The following ITGA9 variants were observed in gnomAD, a reference collection of about 807,000 sequenced individuals.
ITGA9 encodes the protein integrin alpha-9.
Under a neutral mutation model 127.8 loss-of-function variants are expected in ITGA9, and 56 were observed. That is an observed-to-expected ratio of 0.44 (90% CI 0.35 to 0.55). ITGA9 has a LOEUF of 0.55. Among genes scored for constraint, ITGA9 ranks in the 20% least tolerant of loss-of-function variants. ITGA9 has a pLI of 0.00. For missense variants in ITGA9, 1,196 were observed against 1,347.1 expected, an observed-to-expected ratio of 0.89 and a Z score of 1.76; for synonymous variants, 508 against 514.5, an observed-to-expected ratio of 0.99 and a Z score of 0.17.
intron 15 of ITGA9, among the ~76,000 whole-genome samples, chr3:37,587,685 T>TAAC (rs1699771885): frequency 6.6e-6 from 1 of 152,130 alleles, no homozygotes; most frequent in Non-Finnish European, 1.5e-5. Flanking sequence ...ATAATAATAA[T>TAAC]AACCATCATT....
At chr3:37,708,022 A>G (rs1701026703) in intron 18 of ITGA9, among the ~76,000 whole-genome samples, 1 of 152,176 alleles carries the variant, frequency 6.6e-6, no homozygotes, top group Non-Finnish European at 1.5e-5. Context: ...TCATTAGCAT[A>G]ACAAACCACC....
chr3:37,692,398 T>TGAGA (rs75412955), intron 18 of ITGA9, among the ~76,000 whole-genome samples: 11 of 144,572 alleles, frequency 7.6e-5, no homozygotes, highest in African/African-American at 3.0e-4. Context: ...AATGAAGGAT[T>TGAGA]GAGAGAGAGA....
At chr3:37,801,127 C>G (rs1490726887) in intron 26 of ITGA9, among the ~76,000 whole-genome samples, 1 of 151,058 alleles carries the variant, frequency 6.6e-6, no homozygotes, top group Non-Finnish European at 1.5e-5. Context: ...ATTGCCCCAC[C>G]GCACTGCAGC....
At chr3:37,677,635 T>G (rs1422289977) in intron 17 of ITGA9, among the ~76,000 whole-genome samples, 1 of 152,240 alleles carries the variant, frequency 6.6e-6, no homozygotes, top group Non-Finnish European at 1.5e-5. Context: ...TTAGGAGCAA[T>G]GGGAAAGGCA....
chr3:37,682,198 G>A (rs1333087723), intron 17 of ITGA9, among the ~76,000 whole-genome samples: 2 of 152,202 alleles, frequency 1.3e-5, no homozygotes, highest in East Asian at 1.9e-4. Context: ...CCTCCAAATA[G>A]TTGTCTGTCC....
At chr3:37,725,944 T>C (rs1365803333) in intron 18 of ITGA9, among the ~76,000 whole-genome samples, 1 of 152,220 alleles carries the variant, frequency 6.6e-6, no homozygotes, top group East Asian at 1.9e-4. Context: ...CAGGCTCAGG[T>C]GTTTTTCTTC....
chr3:37,729,700 C>CTTTTTTTTTTT (rs34875348), intron 18 of ITGA9, among the ~76,000 whole-genome samples: 21 of 84,112 alleles, frequency 2.5e-4, no homozygotes, highest in African/African-American at 3.2e-4. Flanking sequence ...TTTTTGATTT[C>CTTTTTTTTTTT]TTTTTTTTTT....
Position 37,556,697 on chromosome 3 carries a change from A to C in ITGA9, c.1689+14112A>C, listed in dbSNP as rs559186097. Among the ~76,000 whole-genome samples the C allele has an allele frequency of 2.6e-5, 4 of 152,330 alleles. No individual in the cohort carries two copies. The East Asian group carries it at 7.7e-4, about 29-fold the overall frequency. On this transcript the variant is annotated intron_variant, in intron 15 of 27. Transcript: ENST00000264741. ...CTGGTCCATAGACCACAAAGCAAGGAGCTCGAAGACATAGATACCAAAAGT... is the reference window on the plus strand; with the variant it reads ...CTGGTCCATAGACCACAAAGCAAGGCGCTCGAAGACATAGATACCAAAAGT...
intron 15 of ITGA9, among the ~76,000 whole-genome samples, chr3:37,618,460 G>T (rs1257021005): frequency 1.3e-5 from 2 of 152,246 alleles, no homozygotes; most frequent in Admixed American, 1.3e-4. Context: ...CAAGCTGCCT[G>T]CTGGGAGAAC....
chr3:37,664,442 T>TTTA (rs1553655957), intron 17 of ITGA9, among the ~76,000 whole-genome samples: 1 of 127,856 alleles, frequency 7.8e-6, no homozygotes, highest in Non-Finnish European at 1.6e-5. Flanking sequence ...TTTTTTTTTT[T>TTTA]AGACGGAGTT....
At chr3:37,636,002 G>T (rs915739892) in intron 16 of ITGA9, among the ~76,000 whole-genome samples, 4 of 151,806 alleles carry the variant, frequency 2.6e-5, no homozygotes, top group Non-Finnish European at 5.9e-5. Flanking sequence ...TGGTGTATAT[G>T]TGCCACATTT....
Position 37,508,604 on chromosome 3 carries a change from A to G in ITGA9, c.874A>G (p.Ile292Val), listed in dbSNP as rs780592647. ...ADRRSGTLIK[I>V]FQASGKKMGS... ...CCGAAGATCAGGCACCTTAATTAAG[A>G]TCTTTCAAGCATCAGGTAAAAAGGT... Residue 292 changes from isoleucine to valine, a missense_variant, in exon 8 of 28, where the codon ATC becomes GTC. Physicochemically the swap from Ile to Val is conservative, Grantham distance 29 (BLOSUM62 3). Transcript: ENST00000264741. 1 of 1,613,684 alleles carries G rather than the reference A, an allele frequency of 6.2e-7. No homozygotes were observed. The highest frequency in any genetic ancestry group is 1.3e-5 in the African/African-American group (1 of 74,866).
Position 37,658,926 on chromosome 3 carries a change from C to T in ITGA9, c.1916+5136C>T, listed in dbSNP as rs561148486. On this transcript the variant is annotated intron_variant, in intron 17 of 27. Coordinates refer to ENST00000264741, the MANE Select transcript of ITGA9 (RefSeq NM_002207.3). ...CATTTGCTTCTCTGTAAAAAAGTTT[C>T]TTCTTCGCTTATGAAGCTTAGTTTG... Among the ~76,000 whole-genome samples the T allele has an allele frequency of 2.0e-5, 3 of 152,256 alleles. No homozygotes were observed. In the South Asian group the frequency reaches 6.2e-4, roughly 32 times the overall value.
intron 11 of ITGA9, 21 bp downstream of exon 11, chr3:37,519,375 ATGGCAACTGT>A (rs751872346): frequency 1.9e-5 from 30 of 1,560,196 alleles, no homozygotes; most frequent in Non-Finnish European, 2.7e-5. Context: ...TGAGAGTGAT[ATGGCAACTGT>A]TCATACATTC....
At chr3:37,776,562 C>T (rs2125549806) in intron 23 of ITGA9, among the ~76,000 whole-genome samples, 1 of 152,304 alleles carries the variant, frequency 6.6e-6, no homozygotes, top group East Asian at 1.9e-4. Context: ...CAGCTACAAC[C>T]AGTGTGATAT....
rs760544536 is a variant in ITGA9, at chr3:37,741,808, G to A, written c.2313G>A (p.Thr771=). 7.4e-6 allele frequency: 12 copies of A among 1,613,116 alleles called. No individual in the cohort carries two copies. Among genetic ancestry groups the A allele is most frequent in the Admixed American group, 1.7e-5 (1 of 59,946 alleles). ...TGCCACTGATGCACGAGGTGGACAC[G>A]TCCATCACCGGGTGAGTAGCCTGGT... ...LMVPLMHEVD[T]SITGIMSPTS... is the part of the protein sequence containing the mutation. The change falls in exon 21 of 28, where the codon ACG becomes ACA. Residue 771 remains threonine (T), a synonymous_variant. Coordinates refer to ENST00000264741, the MANE Select transcript of ITGA9 (RefSeq NM_002207.3).
intron 17 of ITGA9, among the ~76,000 whole-genome samples, chr3:37,654,691 G>C (rs1700460872): frequency 6.6e-6 from 1 of 152,082 alleles, no homozygotes; most frequent in South Asian, 2.1e-4. Context: ...GCCTACACTA[G>C]GACATTTTTT....
intron 16 of ITGA9, among the ~76,000 whole-genome samples, chr3:37,641,262 T>G (rs1021835545): frequency 6.6e-6 from 1 of 152,116 alleles, no homozygotes; most frequent in African/African-American, 2.4e-5. Context: ...ACCCTACACA[T>G]GTGAGGGATC....
Position 37,452,491 on chromosome 3 carries a change from C to A in ITGA9, c.117C>A (p.His39Gln). The A allele has an allele frequency of 6.6e-7, 1 of 1,520,068 alleles. No individual in the cohort carries two copies. Among genetic ancestry groups the A allele is most frequent in the Non-Finnish European group, 8.8e-7 (1 of 1,133,606 alleles). 94.2% of individuals were successfully genotyped at this position (1,520,068 alleles called of 1,614,324 possible). A position where few individuals can be genotyped will look rare whatever the true frequency, so the allele number is the denominator to read the frequency against. ...AYNLDPQRPV[H>Q]FQGPADSFFG... ...ACCTCGACCCGCAGCGCCCCGTGCACTTCCAGGGCCCCGCTGACTCGTTCT... is the reference window on the plus strand; with the variant it reads ...ACCTCGACCCGCAGCGCCCCGTGCAATTCCAGGGCCCCGCTGACTCGTTCT... Residue 39 changes from histidine (H) to glutamine (Q), a missense_variant, in exon 1 of 28, where the codon CAC becomes CAA. By Grantham distance (24) the His-to-Gln change is conservative (BLOSUM62 0). Coordinates refer to ENST00000264741, the MANE Select transcript of ITGA9 (RefSeq NM_002207.3). The surrounding 1 kb of genome is among the most constrained non-coding windows in gnomAD (Gnocchi z 7.3).
Sources: gnomAD v4.1 joint callset for allele counts (sites outside exome capture counted in the v4.1 genomes callset) on GRCh38, gnomAD v4.1.1 for gene constraint, Gnocchi (gnomAD v3.1) non-coding constraint, MANE v1.5 for transcripts, NCBI Gene and HGNC (gene_info 2026-07-23, HGNC 2026-07-21) for gene names.